CADM2: variants seen among roughly 807,000 people sequenced by gnomAD.
CADM2 encodes cell adhesion molecule 2.
A neutral mutation model predicts 49.8 loss-of-function variants in CADM2; 12 were observed. That is an observed-to-expected ratio of 0.24 (90% CI 0.15 to 0.39). The LOEUF is 0.39. CADM2 is among the 10% of genes least tolerant of loss of function. The probability of loss-of-function intolerance (pLI) is 1.00; values close to 1 mark genes in which losing one functional copy is unlikely to be tolerated. For missense variants in CADM2, 378 were observed against 492.3 expected (o/e 0.77, Z 2.20); for synonymous variants, 214 against 175.4 (o/e 1.22, Z -1.74).
At chr3:85,429,312 T>G (rs78841189) in intron 1 of CADM2, among the ~76,000 whole-genome samples, 1 of 152,112 alleles carries the variant, frequency 6.6e-6, no homozygotes, top group East Asian at 1.9e-4. Flanking sequence ...AGAAAGCATT[T>G]TATGCCCCGC....
intron 3 of CADM2, among the ~76,000 whole-genome samples, chr3:85,804,633 A>T (rs1468986048): frequency 6.6e-6 from 1 of 152,188 alleles, no homozygotes; most frequent in Non-Finnish European, 1.5e-5. Flanking sequence ...CAAAATCTAT[A>T]TGAAATGCCC....
chr3:85,809,790 C>CTCTCTCTCTCTCTT lies in CADM2; in HGVS notation c.238+7597_238+7598insCTCTCTCTCTTTCT, dbSNP rs1553690315. ...TCTCTCTCTCTCTCTCTCTCTCTCT[C>CTCTCTCTCTCTCTT]TCTTTCTTTCTTTCTTTCTTTCTGT... On this transcript the variant is annotated intron_variant, in intron 3 of 9. Coordinates refer to ENST00000383699, the MANE Select transcript of CADM2 (RefSeq NM_001167675.2). Among the ~76,000 whole-genome samples, 24 of 98,948 alleles carry CTCTCTCTCTCTCTT rather than the reference C, an allele frequency of 2.4e-4. 2 individuals carry two copies. The highest frequency in any genetic ancestry group is 1.0e-3 in the African/African-American group (22 of 21,720). The allele number at this position is 98,948 out of a possible 152,430, so 64.9% of individuals were successfully genotyped here.
intron 1 of CADM2, among the ~76,000 whole-genome samples, chr3:85,099,873 C>G (rs2037945684): frequency 6.6e-6 from 1 of 152,182 alleles, no homozygotes; most frequent in Non-Finnish European, 1.5e-5. Flanking sequence ...TTAAGCTTTT[C>G]TGGAAGTAGG....
At chr3:86,066,332 CAAAAA>C (rs10663610) in intron 9 of CADM2, among the ~76,000 whole-genome samples, 25 of 30,358 alleles carry the variant, frequency 8.2e-4, no homozygotes, top group African/African-American at 1.9e-3. Flanking sequence ...GACTCCGTCT[CAAAAA>C]AAAAAAAAAA....
intron 1 of CADM2, among the ~76,000 whole-genome samples, chr3:85,418,980 T>C (rs1020084761): frequency 6.8e-6 from 1 of 146,320 alleles, no homozygotes; most frequent in South Asian, 2.2e-4. Context: ...GAAAAAAAAA[T>C]GAGAAGGGTT....
At chr3:86,016,549 T>C (rs1338254168) in intron 8 of CADM2, among the ~76,000 whole-genome samples, 2 of 152,196 alleles carry the variant, frequency 1.3e-5, no homozygotes, top group Non-Finnish European at 2.9e-5. Context: ...ACCTCTTTTT[T>C]CCTTTAGGAA....
rs56275595 is a variant in CADM2, at chr3:85,287,434, C to T, written c.61+327766C>T. On this transcript the variant is annotated intron_variant, in intron 1 of 9. Coordinates refer to ENST00000383699, the MANE Select transcript of CADM2 (RefSeq NM_001167675.2). ...GAGTTTCATATGCTATATTGCTCAA[C>T]TTGCATTTCAATAAATAAATAGAAT... 2.9e-3 allele frequency among the ~76,000 whole-genome samples: 437 copies of T among 152,116 alleles called. 2 individuals are homozygous for T. The highest frequency in any genetic ancestry group is 4.7e-3 in the Non-Finnish European group (321 of 67,966).
chr3:85,908,254 CTT>C (rs898710165), intron 5 of CADM2, among the ~76,000 whole-genome samples: 13 of 65,776 alleles, frequency 2.0e-4, no homozygotes, highest in East Asian at 1.4e-3. Flanking sequence ...TTTTTTTCTT[CTT>C]TTTTTTTTTT....
chr3:85,693,173 C>T (rs543986504), intron 1 of CADM2, among the ~76,000 whole-genome samples: 1 of 151,276 alleles, frequency 6.6e-6, no homozygotes, highest in South Asian at 2.1e-4. Context: ...GGCATGAACC[C>T]GGGAAGAGAA....
chr3:85,199,373 G>GT (rs1469615927), intron 1 of CADM2, among the ~76,000 whole-genome samples: 2 of 143,322 alleles, frequency 1.4e-5, no homozygotes, highest in Admixed American at 7.1e-5. Flanking sequence ...GTGTGTATGA[G>GT]AGAGAGAGAG....
In CADM2 at chr3:85,407,402, G is replaced by A. The variant is rs182349474; in HGVS notation, c.62-319120G>A. On this transcript the variant is annotated intron_variant, in intron 1 of 9. Coordinates refer to ENST00000383699, the MANE Select transcript of CADM2 (RefSeq NM_001167675.2). ...TACCTTGGCTTTATTTTGGATTTTT[G>A]TAGATACCTCGTTTCTTTTCTCTCA... Among the ~76,000 whole-genome samples, 450 of 152,004 alleles carry A rather than the reference G, an allele frequency of 3.0e-3. 1 individual carries two copies. The highest frequency in any genetic ancestry group is 4.2e-3 in the Non-Finnish European group (287 of 67,968).
chr3:85,447,973 A>G (rs2037548710), intron 1 of CADM2, among the ~76,000 whole-genome samples: 1 of 152,168 alleles, frequency 6.6e-6, no homozygotes, highest in Admixed American at 6.5e-5. Context: ...ATATGAAAGA[A>G]AAGCCAATAA....
intron 1 of CADM2, among the ~76,000 whole-genome samples, chr3:85,660,011 A>G (rs977650113): frequency 2.0e-5 from 3 of 152,112 alleles, no homozygotes; most frequent in Admixed American, 1.3e-4. Flanking sequence ...TTAAAACCTA[A>G]GAATTCACAA....
chr3:85,545,774 A>AT (rs2061656429), intron 1 of CADM2, among the ~76,000 whole-genome samples: 1 of 152,112 alleles, frequency 6.6e-6, no homozygotes, highest in African/African-American at 2.4e-5. Flanking sequence ...TCCAAGGCAT[A>AT]TTTTTTCCCA....
chr3:86,065,528 A>T, intron 8 of CADM2, 77 bp from the exon 9 acceptor site: 1 of 1,437,462 alleles, frequency 7.0e-7, no homozygotes, highest in Middle Eastern at 1.9e-4. Flanking sequence ...TTTTCAAAAT[A>T]ACTCATTCTA....
At chr3:85,906,592 T>G (rs1716841056) in intron 5 of CADM2, among the ~76,000 whole-genome samples, 1 of 152,092 alleles carries the variant, frequency 6.6e-6, no homozygotes. Flanking sequence ...TTCAAAAAGT[T>G]GAATATTATA....
intron 2 of CADM2, among the ~76,000 whole-genome samples, chr3:85,751,658 G>C (rs1032682279): frequency 2.6e-5 from 4 of 152,080 alleles, no homozygotes; most frequent in African/African-American, 9.7e-5. Context: ...AAATTTTAAT[G>C]CAAACCCAAA....
chr3:85,262,145 A>G (rs1349602), intron 1 of CADM2, among the ~76,000 whole-genome samples: 14,527 of 152,182 alleles, frequency 0.095, 865 homozygotes, highest in African/African-American at 0.17. Context: ...TTTTAGAACT[A>G]TGATATTAAA....
chr3:86,066,377 T>C (rs1038381574), intron 9 of CADM2, among the ~76,000 whole-genome samples: 1 of 130,042 alleles, frequency 7.7e-6, no homozygotes, highest in African/African-American at 3.1e-5. Flanking sequence ...CAAAAGACCC[T>C]GTTTGCTACA....
Sources: gnomAD v4.1 joint callset for allele counts (sites outside exome capture counted in the v4.1 genomes callset) on GRCh38, gnomAD v4.1.1 for gene constraint, MANE v1.5 for transcripts, NCBI Gene and HGNC (gene_info 2026-07-23, HGNC 2026-07-21) for gene names.